MTCL1: variants seen among roughly 807,000 people sequenced by gnomAD.
The protein encoded by MTCL1 is microtubule crosslinking factor 1.
MTCL1 carries 79 observed loss-of-function variants against 141.4 expected under a neutral mutation model. The observed-to-expected ratio is 0.56, with a 90% CI of 0.47 to 0.67. MTCL1 has a LOEUF of 0.67. MTCL1 is among the 30% of genes least tolerant of loss of function. The pLI, the probability that MTCL1 is intolerant of heterozygous loss-of-function variation, is 0.00. For synonymous variants in MTCL1, 914 were observed against 875.8 expected (o/e 1.04, Z -0.77); for missense variants, 2,177 against 2,113.9 (o/e 1.03, Z -0.59).
intron 6 of MTCL1, 123 bp from the exon 6 acceptor site, chr18:8,785,813 C>T: frequency 1.7e-6 from 2 of 1,194,012 alleles, no homozygotes; most frequent in East Asian, 2.5e-5. Context: ...CAGTCGTCTC[C>T]CTTGTCCATT....
chr18:8,752,355 T>G (rs2096376061), intron 4 of MTCL1, among the ~76,000 whole-genome samples: 1 of 152,252 alleles, frequency 6.6e-6, no homozygotes, highest in East Asian at 1.9e-4. Context: ...TATTTAAACT[T>G]CCATGTACTA....
chr18:8,745,688 G>C (rs1007292013), intron 4 of MTCL1, among the ~76,000 whole-genome samples: 1 of 152,200 alleles, frequency 6.6e-6, no homozygotes, highest in Non-Finnish European at 1.5e-5. Flanking sequence ...AGGGCCATAG[G>C]ATGTGCACAT....
chr18:8,786,110 T>TGGG lies in MTCL1; in HGVS notation c.1887+19_1887+20insGGG. ...CCTGGAGGTCAGCGTGGGCAAGCAA[T>TGGG]CCCCCCCCCCCGCCCTCCCCCTCCT... is the stretch of plus-strand genomic sequence containing the variant. On this transcript the variant is annotated intron_variant, in intron 7 of 16. Coordinates refer to ENST00000359865, the Ensembl canonical transcript of MTCL1. 1 of 1,310,342 alleles carries TGGG rather than the reference T, an allele frequency of 7.6e-7. No individual in the cohort carries two copies. The highest frequency in any genetic ancestry group is 1.0e-6 in the Non-Finnish European group (1 of 990,144). The allele number at this position is 1,310,342 out of a possible 1,614,324, so 81.2% of individuals were successfully genotyped here. A position where few individuals can be genotyped will look rare whatever the true frequency, so the allele number is the denominator to read the frequency against.
rs536341540 is a variant in MTCL1 at position 8,706,661 on chromosome 18, A to T, written c.1001A>T (p.Glu334Val). Residue 334 changes from glutamate (E) to valine (V), a missense_variant, in exon 1 of 14, where the codon GAA becomes GTA. Coordinates refer to the MTCL1 transcript ENST00000306329. ...CGGCTCGTGCCAGCGGCGGAGGAAG[A>T]AGAGCTGCTGCGGGAGATGGAGGAG... The T allele has an allele frequency of 3.2e-6, 5 of 1,546,204 alleles. No homozygotes were observed. In the African/African-American group the frequency reaches 6.9e-5, roughly 21 times the overall value.
chr18:8,791,088 G>A (rs1008001266), intron 7 of MTCL1, among the ~76,000 whole-genome samples: 11 of 152,222 alleles, frequency 7.2e-5, no homozygotes, highest in African/African-American at 2.4e-4. Flanking sequence ...TAGGGAGATT[G>A]TTGCCAGAAC....
At chr18:8,788,243 T>C (rs1161001119) in intron 7 of MTCL1, among the ~76,000 whole-genome samples, 3 of 152,160 alleles carry the variant, frequency 2.0e-5, no homozygotes, top group Admixed American at 6.5e-5. Context: ...CCGGCAGCTT[T>C]CTTTGCTCCC....
chr18:8,806,825 C>G, intron 10 of MTCL1, 68 bp from the exon 10 acceptor site: 1 of 1,327,328 alleles, frequency 7.5e-7, no homozygotes, highest in South Asian at 1.2e-5. Flanking sequence ...ATAGCCAGAT[C>G]CTCTCCTCTT....
intron 4 of MTCL1, among the ~76,000 whole-genome samples, chr18:8,757,100 A>G (rs2096405862): frequency 1.3e-5 from 2 of 152,200 alleles, no homozygotes; most frequent in Admixed American, 6.5e-5. Context: ...TCATTTTCAT[A>G]TAAGAAGGCA....
At chr18:8,829,610 A>C in intron 16 of MTCL1, 1 of 985,364 alleles carries the variant, frequency 1.0e-6, no homozygotes, top group Non-Finnish European at 1.2e-6. Context: ...ACATGAGAAA[A>C]GATATACTTT....
intron 16 of MTCL1, chr18:8,829,884 T>G (rs893035562): frequency 2.0e-6 from 2 of 985,120 alleles, no homozygotes; most frequent in African/African-American, 3.5e-5. Context: ...TTCCCTTGAA[T>G]GCAGACTCAC....
intron 4 of MTCL1, among the ~76,000 whole-genome samples, chr18:8,742,402 G>T (rs897448978): frequency 1.3e-5 from 2 of 152,186 alleles, no homozygotes; most frequent in African/African-American, 4.8e-5. Flanking sequence ...TTGACTCACA[G>T]TTCCACATGG....
chr18:8,786,314 C>T (rs772253276), intron 7 of MTCL1: 19 of 702,792 alleles, frequency 2.7e-5, no homozygotes, highest in Non-Finnish European at 3.6e-5. Flanking sequence ...GACAGAGGGA[C>T]AGCTCACTGT....
intron 4 of MTCL1, among the ~76,000 whole-genome samples, chr18:8,766,036 G>T (rs552492107): frequency 6.6e-6 from 1 of 152,198 alleles, no homozygotes; most frequent in African/African-American, 2.4e-5. Flanking sequence ...TGTACCCACA[G>T]GAGGTCTTCT....
chr18:8,730,900 G>A (rs1331968590), intron 4 of MTCL1, among the ~76,000 whole-genome samples: 1 of 152,190 alleles, frequency 6.6e-6, no homozygotes, highest in Non-Finnish European at 1.5e-5. Context: ...CTACACGTTA[G>A]AATGGAACCT....
chr18:8,806,960 G>T, exon 11 of MTCL1: 1 of 1,613,682 alleles, frequency 6.2e-7, no homozygotes, highest in Middle Eastern at 1.7e-4. Flanking sequence ...GCGGAGCTGC[G>T]GGAGGATGAG....
chr18:8,807,559 C>T (rs2076342290), intron 11 of MTCL1, among the ~76,000 whole-genome samples: 1 of 152,138 alleles, frequency 6.6e-6, no homozygotes, highest in African/African-American at 2.4e-5. Context: ...AAACTGAGGC[C>T]CAGAAGAAAC....
In MTCL1 at chr18:8,742,360, G is replaced by C. The variant is rs1167281625; in HGVS notation, c.357+21864G>C. Among the ~76,000 whole-genome samples, 5 of 152,272 alleles carry C rather than the reference G, an allele frequency of 3.3e-5. No individual in the cohort carries two copies. The East Asian group carries it at 9.6e-4, about 29-fold the overall frequency. Reference sequence around the variant, plus strand: ...ATGCTGCTAATAAAGACGCACCTGAGACTGGGTAATTTATAAAGGAGAGAG... The same window carrying C: ...ATGCTGCTAATAAAGACGCACCTGACACTGGGTAATTTATAAAGGAGAGAG... On this transcript the variant is annotated intron_variant, in intron 4 of 16. Transcript: ENST00000359865.
At chr18:8,732,751 A>G (rs904089826) in intron 4 of MTCL1, among the ~76,000 whole-genome samples, 3 of 152,298 alleles carry the variant, frequency 2.0e-5, no homozygotes, top group Middle Eastern at 3.4e-3. Context: ...GATGGACCCC[A>G]GGTGCTGGCA....
At chr18:8,783,814 C>T (rs1489780407) in exon 6 of MTCL1, 1 of 1,613,266 alleles carries the variant, frequency 6.2e-7, no homozygotes, top group Non-Finnish European at 8.5e-7. Context: ...AGAACCGTGG[C>T]CTCAAGGCAG....
Sources: allele counts gnomAD v4.1 joint callset (sites outside exome capture counted in the v4.1 genomes callset), GRCh38; gene constraint gnomAD v4.1.1; transcripts MANE v1.5; gene names NCBI Gene and HGNC (gene_info 2026-07-23, HGNC 2026-07-21).